PHF24: variants seen among roughly 807,000 people sequenced by gnomAD.
PHF24 encodes Galpha inhibitory interacting protein.
PHF24 carries 25 observed loss-of-function variants against 42.6 expected under a neutral mutation model. The ratio of observed to expected loss-of-function variants is 0.59; its 90% CI spans 0.43 to 0.82. The LOEUF (loss-of-function observed/expected upper bound fraction) is 0.82. Ranked by LOEUF, PHF24 falls within the 40% of genes least tolerant of loss-of-function variation. The pLI, the probability that PHF24 is intolerant of heterozygous loss-of-function variation, is 0.00. For missense variants in PHF24, 470 were observed against 538.1 expected (o/e 0.87, Z 1.25); for synonymous variants, 185 against 204.8 (o/e 0.90, Z 0.83).
At chr9:34,850,793 C>T in the PHF24 span, among the ~76,000 whole-genome samples, 1 of 152,176 alleles carries the variant, frequency 6.6e-6, no homozygotes, top group Admixed American at 6.5e-5. Flanking sequence ...GATGTCCTTT[C>T]TGTTTGTTAG....
At chr9:34,723,918 G>T in the PHF24 span, 2 of 1,551,598 alleles carry the variant, frequency 1.3e-6, no homozygotes, top group Middle Eastern at 1.7e-4. Flanking sequence ...TGTTGACAGG[G>T]ATCAGCAAGA....
chr9:34,958,708 T>C lies in PHF24; in HGVS notation c.-5+307T>C, dbSNP rs971208361. Among the ~76,000 whole-genome samples the C allele has an allele frequency of 6.6e-6, 1 of 152,116 alleles. No individual in the cohort carries two copies. Among genetic ancestry groups the C allele is most frequent in the Non-Finnish European group, 1.5e-5 (1 of 67,986 alleles). ...GCCCCAGAGAGCCCTTCTGTGTCACTGTGGGAGCAGGCACAAGGGTGGTCT... is the reference window on the plus strand; with the variant it reads ...GCCCCAGAGAGCCCTTCTGTGTCACCGTGGGAGCAGGCACAAGGGTGGTCT... On this transcript the variant is annotated intron_variant, in intron 1 of 7. Transcript: ENST00000242315. This position sits in a 1 kb window ranked among gnomAD's most constrained non-coding sequence, Gnocchi z 4.5.
the PHF24 span, among the ~76,000 whole-genome samples, chr9:34,852,714 GT>G: frequency 6.6e-6 from 1 of 152,050 alleles, no homozygotes; most frequent in African/African-American, 2.4e-5. Flanking sequence ...TCTTTGTTTT[GT>G]TTTTTAACAG....
the PHF24 span, among the ~76,000 whole-genome samples, chr9:34,748,164 A>G: frequency 6.6e-6 from 1 of 152,182 alleles, no homozygotes; most frequent in Non-Finnish European, 1.5e-5. Context: ...GTAACATTAT[A>G]TTTCTCAAAT....
the PHF24 span, among the ~76,000 whole-genome samples, chr9:34,820,218 G>T: frequency 6.6e-6 from 1 of 150,936 alleles, no homozygotes; most frequent in Admixed American, 6.6e-5. Context: ...TATTTAAAAT[G>T]GGTTTCTTTT....
chr9:34,852,573 C>T, the PHF24 span, among the ~76,000 whole-genome samples: 7 of 152,212 alleles, frequency 4.6e-5, no homozygotes, highest in African/African-American at 1.7e-4. Context: ...GTTTCTTTTC[C>T]TTGAGCACTT....
chr9:34,826,016 G>C, the PHF24 span, among the ~76,000 whole-genome samples: 1 of 152,090 alleles, frequency 6.6e-6, no homozygotes, highest in Non-Finnish European at 1.5e-5. Flanking sequence ...CCTGGCTGTG[G>C]ACCAGGCAAG....
the PHF24 span, chr9:34,724,771 C>G: frequency 6.4e-7 from 1 of 1,551,620 alleles, no homozygotes; most frequent in African/African-American, 1.4e-5. Context: ...GAATCAGAGG[C>G]TCTGCTGGGA....
At chr9:34,940,671 G>C in the PHF24 span, among the ~76,000 whole-genome samples, 3 of 152,202 alleles carry the variant, frequency 2.0e-5, no homozygotes, top group East Asian at 5.8e-4. Flanking sequence ...GTGTGACCCA[G>C]CCTTCACTCC....
At chr9:34,667,510 G>A in the PHF24 span, among the ~76,000 whole-genome samples, 2 of 152,204 alleles carry the variant, frequency 1.3e-5, no homozygotes, top group Non-Finnish European at 1.5e-5. Context: ...GCTGGGTCAG[G>A]TCTGGTGCCG....
the PHF24 span, among the ~76,000 whole-genome samples, chr9:34,903,325 C>T: frequency 0.029 from 4,439 of 152,086 alleles, 121 homozygotes; most frequent in Non-Finnish European, 0.041. Context: ...GATAGGAGCC[C>T]GGGTGGCCAA....
chr9:34,684,576 A>G, the PHF24 span, among the ~76,000 whole-genome samples: 2 of 152,172 alleles, frequency 1.3e-5, no homozygotes, highest in Non-Finnish European at 2.9e-5. Context: ...GTCAGCAATG[A>G]GGACATAATA....
the PHF24 span, among the ~76,000 whole-genome samples, chr9:34,672,786 A>T: frequency 1.3e-5 from 2 of 152,226 alleles, no homozygotes; most frequent in East Asian, 3.9e-4. Context: ...TTGGGATTAA[A>T]TTTCTTTTAT....
chr9:34,690,975 G>T, the PHF24 span: 1 of 872,004 alleles, frequency 1.1e-6, no homozygotes, highest in South Asian at 1.7e-5. Flanking sequence ...ACAGACCTAA[G>T]CATTTGCCTG....
chr9:34,700,925 T>C, the PHF24 span, among the ~76,000 whole-genome samples: 16 of 152,168 alleles, frequency 1.1e-4, no homozygotes, highest in African/African-American at 3.6e-4. Context: ...CCACAGCTGT[T>C]GGTTTAGATA....
chr9:34,958,226 G>GCGCGCCGCCGCCGC (rs1554657768), upstream of PHF24: 3 of 150,364 alleles, frequency 2.0e-5, no homozygotes, highest in African/African-American at 7.7e-5. This position sits in a 1 kb window ranked among gnomAD's most constrained non-coding sequence, Gnocchi z 4.5. Flanking sequence ...CCGGCCGCGC[G>GCGCGCCGCCGCCGC]CGCCGCCGCC....
At chr9:34,708,981 A>ACGCCGTAT in the PHF24 span, 1 of 184,624 alleles carries the variant, frequency 5.4e-6, no homozygotes, top group Admixed American at 6.2e-5. Context: ...ATCTCGGTGG[A>ACGCCGTAT]CATAAACACA....
chr9:34,674,718 C>T, the PHF24 span, among the ~76,000 whole-genome samples: 4 of 152,180 alleles, frequency 2.6e-5, no homozygotes, highest in African/African-American at 9.7e-5. Flanking sequence ...TGATTATATG[C>T]TTAAACGATT....
the PHF24 span, among the ~76,000 whole-genome samples, chr9:34,810,543 T>A: frequency 4.6e-5 from 7 of 152,112 alleles, no homozygotes; most frequent in Non-Finnish European, 1.0e-4. Context: ...AGGAGCCTCG[T>A]GATGGTGGAG....
Sources: gnomAD v4.1 joint callset for allele counts (sites outside exome capture counted in the v4.1 genomes callset) on GRCh38, gnomAD v4.1.1 for gene constraint, Gnocchi (gnomAD v3.1) non-coding constraint, MANE v1.5 for transcripts, NCBI Gene and HGNC (gene_info 2026-07-23, HGNC 2026-07-21) for gene names.